The following DENND5B variants were observed in gnomAD, a reference collection of about 807,000 sequenced individuals.
The protein encoded by DENND5B is DENN domain-containing protein 5B.
Under a neutral mutation model 140.6 loss-of-function variants are expected in DENND5B, and 34 were observed. That is an observed-to-expected ratio of 0.24 (90% confidence interval 0.18 to 0.32). The LOEUF (loss-of-function observed/expected upper bound fraction) is 0.32. DENND5B is among the 10% of genes least tolerant of loss of function. DENND5B has a pLI of 1.00. For synonymous variants in DENND5B, 551 were observed against 562.1 expected (o/e 0.98, Z 0.28); for missense variants, 1,142 against 1,560.2 (o/e 0.73, Z 4.52).
At chr12:31,547,827 C>T (rs1481192606) in intron 1 of DENND5B, among the ~76,000 whole-genome samples, 1 of 152,102 alleles carries the variant, frequency 6.6e-6, no homozygotes, top group Non-Finnish European at 1.5e-5. Context: ...GCCTCAGCCT[C>T]CCAAGTAGCT....
At chr12:31,407,983 C>G (rs1307336924) in intron 14 of DENND5B, among the ~76,000 whole-genome samples, 1 of 152,150 alleles carries the variant, frequency 6.6e-6, no homozygotes, top group Non-Finnish European at 1.5e-5. Context: ...TAAATGCTAT[C>G]ATTCGGCTTT....
At position 31,382,250 on chromosome 12, in the gene DENND5B, A is replaced by G. The variant is rs1406481778; in HGVS notation, c.*5353T>C. ...GTATCAATCCCACAGTTTTATTTGT[A>G]AAGAACAAAGCATGAAAAGTCATAT... On this transcript the variant is annotated 3_prime_UTR_variant, in exon 21 of 21. Coordinates refer to ENST00000389082, the MANE Select transcript of DENND5B (RefSeq NM_144973.4). 1 of 152,206 alleles carries G rather than the reference A, an allele frequency of 6.6e-6. No homozygotes were observed. Among genetic ancestry groups the G allele is most frequent in the Non-Finnish European group, 1.5e-5 (1 of 68,036 alleles). The allele number at this position is 152,206 out of a possible 1,614,324, so 9.4% of individuals were successfully genotyped here. A position where few individuals can be genotyped will look rare whatever the true frequency, so the allele number is the denominator to read the frequency against.
At chr12:31,432,421 G>A (rs529211566) in intron 8 of DENND5B, 2 of 152,154 alleles carry the variant, frequency 1.3e-5, no homozygotes, top group Admixed American at 1.3e-4. Context: ...TTTGATACTA[G>A]AAAACAGTTA....
intron 1 of DENND5B, among the ~76,000 whole-genome samples, chr12:31,523,440 A>G (rs922172009): frequency 6.6e-6 from 1 of 152,182 alleles, no homozygotes; most frequent in Non-Finnish European, 1.5e-5. Flanking sequence ...TGTTGCTGAC[A>G]CAATCCTGGC....
At position 31,384,654 on chromosome 12, in the gene DENND5B, A is replaced by G. The variant is rs1190919564; in HGVS notation, c.*2949T>C. 6.6e-6 allele frequency: 1 copy of G among 152,164 alleles called. No homozygotes were observed. The highest frequency in any genetic ancestry group is 1.5e-5 in the Non-Finnish European group (1 of 68,034). The allele number at this position is 152,164 out of a possible 1,614,324, so 9.4% of individuals were successfully genotyped here. A position where few individuals can be genotyped will look rare whatever the true frequency, so the allele number is the denominator to read the frequency against. On this transcript the variant is annotated 3_prime_UTR_variant, in exon 21 of 21. Coordinates refer to ENST00000389082, the MANE Select transcript of DENND5B (RefSeq NM_144973.4). ...AAATCATCATTTCACCATTATAGTA[A>G]TATTACACAAAGGCATGAAGATGAA...
intron 19 of DENND5B, among the ~76,000 whole-genome samples, chr12:31,391,864 G>T (rs1169797806): frequency 3.3e-5 from 5 of 151,924 alleles, no homozygotes; most frequent in Admixed American, 3.3e-4. Context: ...ATCCTTGCCG[G>T]GCACGATGGC....
chr12:31,582,698 A>G (rs561206494), intron 1 of DENND5B, among the ~76,000 whole-genome samples: 2 of 152,360 alleles, frequency 1.3e-5, no homozygotes, highest in African/African-American at 4.8e-5. Flanking sequence ...GAAACAAGCT[A>G]GGTCAGGTCA....
rs931970123 is a variant in DENND5B, at chr12:31,546,873, ATTTAT to A, written c.127+43828_127+43832del. Among the ~76,000 whole-genome samples, 85 of 152,194 alleles carry A rather than the reference ATTTAT, an allele frequency of 5.6e-4. 1 individual carries two copies. The highest frequency in any genetic ancestry group is 2.0e-3 in the African/African-American group (82 of 41,442). On this transcript the variant is annotated intron_variant, in intron 1 of 20. Coordinates refer to ENST00000389082, the MANE Select transcript of DENND5B (RefSeq NM_144973.4). ...GATACATTCGACAACCGCAACCAAA[ATTTAT>A]TTTGAGTTTACAGTCCGCAACATGA...
At chr12:31,485,122 G>A (rs1011460838) in intron 2 of DENND5B, among the ~76,000 whole-genome samples, 3 of 152,172 alleles carry the variant, frequency 2.0e-5, no homozygotes, top group Non-Finnish European at 4.4e-5. Context: ...GCAAATCGAT[G>A]AGATGCATCA....
intron 14 of DENND5B, among the ~76,000 whole-genome samples, chr12:31,402,956 A>C (rs1289849936): frequency 6.6e-6 from 1 of 152,228 alleles, no homozygotes; most frequent in Admixed American, 6.5e-5. Flanking sequence ...TAAAGATGTG[A>C]ACACTGACTG....
intron 1 of DENND5B, chr12:31,534,899 A>G (rs1948426699): frequency 5.1e-6 from 2 of 388,580 alleles, no homozygotes; most frequent in South Asian, 2.1e-5. Context: ...AGCAAGATGC[A>G]AAGGGGTCAA....
chr12:31,505,417 A>G (rs887477817), intron 1 of DENND5B, among the ~76,000 whole-genome samples: 1 of 151,868 alleles, frequency 6.6e-6, no homozygotes, highest in Non-Finnish European at 1.5e-5. Flanking sequence ...TTGTAGTTTT[A>G]GTAGAGACAG....
At chr12:31,408,618 C>A in intron 14 of DENND5B, among the ~76,000 whole-genome samples, 1 of 81,694 alleles carries the variant, frequency 1.2e-5, no homozygotes, top group Middle Eastern at 0.013. Flanking sequence ...TGGAGTGAGA[C>A]TCTATCAAAA....
rs554155116 is a variant in DENND5B, at chr12:31,470,409, C to T, written c.904+9180G>A. Among the ~76,000 whole-genome samples the T allele has an allele frequency of 1.5e-4, 22 of 151,686 alleles. No homozygotes were observed. In the South Asian group the frequency reaches 1.9e-3, roughly 13 times the overall value. On this transcript the variant is annotated intron_variant, in intron 3 of 20. Transcript: ENST00000389082. ...GATTACAGGCGTGATACACTGTGCC[C>T]GGCCTTATTTTTAATTTTTTTGTAG...
intron 3 of DENND5B, chr12:31,465,986 A>C (rs879545971): frequency 6.6e-6 from 1 of 152,304 alleles, no homozygotes; most frequent in African/African-American, 2.4e-5. Context: ...TTGTAGATTA[A>C]ACACAGGTAA....
intron 13 of DENND5B, among the ~76,000 whole-genome samples, chr12:31,412,226 G>A (rs1942497724): frequency 6.6e-6 from 1 of 152,202 alleles, no homozygotes; most frequent in Non-Finnish European, 1.5e-5. Flanking sequence ...GGGATTACAG[G>A]TGTGAGCCAC....
chr12:31,512,385 AT>A (rs58455943), intron 1 of DENND5B, among the ~76,000 whole-genome samples: 21,659 of 142,018 alleles, frequency 0.15, 1,754 homozygotes, highest in East Asian at 0.27. Flanking sequence ...CCCCTGGCTA[AT>A]TTTTTTTTTT....
chr12:31,451,039 CTTAAT>C (rs2138112956), intron 5 of DENND5B, among the ~76,000 whole-genome samples: 1 of 152,274 alleles, frequency 6.6e-6, no homozygotes, highest in South Asian at 2.1e-4. Flanking sequence ...AGCCATAAAA[CTTAAT>C]TTAGTCACTC....
At chr12:31,561,632 TA>T (rs1268158391) in intron 1 of DENND5B, among the ~76,000 whole-genome samples, 1 of 152,218 alleles carries the variant, frequency 6.6e-6, no homozygotes, top group Non-Finnish European at 1.5e-5. Flanking sequence ...AGAGGACTCC[TA>T]AAACTCAAAC....
Sources: allele counts gnomAD v4.1 joint callset (sites outside exome capture counted in the v4.1 genomes callset), GRCh38; gene constraint gnomAD v4.1.1; transcripts MANE v1.5; gene names NCBI Gene and HGNC (gene_info 2026-07-23, HGNC 2026-07-21).